Variants in STPG2 observed in about 807,000 individuals in gnomAD.
The protein encoded by STPG2 is sperm-tail PG-rich repeat-containing protein 2.
STPG2 carries 56 observed loss-of-function variants against 54.2 expected under a neutral mutation model. That is an observed-to-expected ratio of 1.03 (90% CI 0.83 to 1.29). The LOEUF (loss-of-function observed/expected upper bound fraction) is 1.29. Ranked by LOEUF, STPG2 falls within the 50% of genes most tolerant of loss-of-function variation. The pLI is 0.00. For missense variants in STPG2, 596 were observed against 544.9 expected (o/e 1.09, Z -0.93); for synonymous variants, 200 against 181.8 (o/e 1.10, Z -0.81).
At chr4:97,838,568 T>A (rs1728702141) in intron 9 of STPG2, among the ~76,000 whole-genome samples, 1 of 151,404 alleles carries the variant, frequency 6.6e-6, no homozygotes, top group Admixed American at 6.6e-5. Flanking sequence ...TAGGAATCTA[T>A]TTAGAGACTT....
chr4:98,072,613 T>C (rs28512286), intron 5 of STPG2, among the ~76,000 whole-genome samples: 40,778 of 132,658 alleles, frequency 0.31, 5,980 homozygotes, highest in Middle Eastern at 0.38. Flanking sequence ...TAAAATAAAA[T>C]AAAACAAAAC....
intron 5 of STPG2, among the ~76,000 whole-genome samples, chr4:98,058,136 C>A (rs888167575): frequency 6.6e-6 from 1 of 152,154 alleles, no homozygotes; most frequent in Non-Finnish European, 1.5e-5. Context: ...CAGTGACACT[C>A]TGAAGTAACC....
At chr4:98,044,035 G>A (rs1737042929) in intron 5 of STPG2, among the ~76,000 whole-genome samples, 2 of 151,922 alleles carry the variant, frequency 1.3e-5, no homozygotes, top group Admixed American at 1.3e-4. Flanking sequence ...TTGGTTTTCT[G>A]TTCCTGCATT....
intron 8 of STPG2, among the ~76,000 whole-genome samples, chr4:97,904,914 T>A (rs926950106): frequency 1.3e-5 from 2 of 151,986 alleles, no homozygotes; most frequent in African/African-American, 4.8e-5. Context: ...AGAAAAAGAA[T>A]AAAAAGAAAC....
chr4:97,643,161 T>G (rs1043085414), intron 10 of STPG2, among the ~76,000 whole-genome samples: 9 of 151,650 alleles, frequency 5.9e-5, no homozygotes, highest in Non-Finnish European at 1.0e-4. Flanking sequence ...GAATGTAACC[T>G]CATGGAGCTT....
chr4:97,640,874 GAC>G (rs1460832972), intron 10 of STPG2, among the ~76,000 whole-genome samples: 2 of 151,416 alleles, frequency 1.3e-5, no homozygotes, highest in African/African-American at 4.8e-5. Context: ...GGAAAAAAGA[GAC>G]ACAGTCAAGA....
intron 9 of STPG2, among the ~76,000 whole-genome samples, chr4:97,812,975 C>T (rs952432931): frequency 6.6e-6 from 1 of 152,132 alleles, no homozygotes; most frequent in African/African-American, 2.4e-5. Context: ...ATACCAGTTG[C>T]TGAAGTCAAA....
chr4:98,052,154 T>G (rs1737345353), intron 5 of STPG2, among the ~76,000 whole-genome samples: 2 of 151,716 alleles, frequency 1.3e-5, no homozygotes, highest in African/African-American at 4.8e-5. Flanking sequence ...CAAAAATTTC[T>G]CAAGTGGGGA....
chr4:97,442,970 G>C (rs558401031), intron 4 of STPG2, among the ~76,000 whole-genome samples: 9 of 152,190 alleles, frequency 5.9e-5, no homozygotes, highest in Non-Finnish European at 1.2e-4. Context: ...TAAATTGAGA[G>C]TTGAAAGGAA....
At chr4:97,543,572 A>G (rs1731768700) in intron 4 of STPG2, among the ~76,000 whole-genome samples, 1 of 152,122 alleles carries the variant, frequency 6.6e-6, no homozygotes, top group Non-Finnish European at 1.5e-5. Flanking sequence ...TTTGCCAGAT[A>G]TTTGGATATT....
At chr4:97,945,392 A>G (rs966184353) in intron 7 of STPG2, among the ~76,000 whole-genome samples, 2 of 152,088 alleles carry the variant, frequency 1.3e-5, no homozygotes, top group Non-Finnish European at 2.9e-5. Flanking sequence ...ATATTATGTT[A>G]TTCTTTTTTA....
chr4:97,897,321 G>C (rs1240448044), intron 8 of STPG2, among the ~76,000 whole-genome samples: 1 of 152,026 alleles, frequency 6.6e-6, no homozygotes, highest in Non-Finnish European at 1.5e-5. Context: ...GGACATTTAG[G>C]ATGATTCCAT....
chr4:97,903,893 G>A lies in STPG2; in HGVS notation c.1044+40004C>T, dbSNP rs1425372113. ...ACCCGAATACTGCGCTTTTCCAACG[G>A]GCTTAAAAAATGGCGCACCACGAGA... On this transcript the variant is annotated intron_variant, in intron 8 of 10. Coordinates refer to ENST00000295268, the MANE Select transcript of STPG2 (RefSeq NM_174952.3). Among the ~76,000 whole-genome samples, 8 of 152,164 alleles carry A rather than the reference G, an allele frequency of 5.3e-5. No individual in the cohort carries two copies. In the East Asian group the frequency reaches 1.5e-3, roughly 29 times the overall value.
At chr4:97,765,387 GT>G (rs1205393783) in intron 9 of STPG2, among the ~76,000 whole-genome samples, 1 of 152,074 alleles carries the variant, frequency 6.6e-6, no homozygotes, top group Non-Finnish European at 1.5e-5. Context: ...GCTTGTAGAT[GT>G]CTTAACTTGA....
chr4:97,699,840 G>C (rs1723706978), intron 10 of STPG2, among the ~76,000 whole-genome samples: 1 of 152,188 alleles, frequency 6.6e-6, no homozygotes, highest in Non-Finnish European at 1.5e-5. Context: ...GGCATCAGTG[G>C]AGACCATGGG....
intron 7 of STPG2, among the ~76,000 whole-genome samples, chr4:97,944,795 T>C (rs915329693): frequency 1.3e-5 from 2 of 152,136 alleles, no homozygotes; most frequent in Admixed American, 6.6e-5. Flanking sequence ...AAAACATCCA[T>C]TACCCACCTA....
chr4:97,489,772 A>G lies in STPG2; in HGVS notation c.462+222927T>C, dbSNP rs1203511543. 4 of 151,606 alleles carry G rather than the reference A, an allele frequency of 2.6e-5. No individual in the cohort carries two copies. The Admixed American group carries it at 2.6e-4, about 10-fold the overall frequency. The allele number at this position is 151,606 out of a possible 1,614,324, so 9.4% of individuals were successfully genotyped here. ...GAAATAATTCTCTTATTTCCTTCAA[A>G]GGTCTCCTTCTGAAGAGGGTGAAGA... On this transcript the variant is annotated intron_variant, in intron 4 of 4. Transcript: ENST00000522676.
chr4:98,116,638 A>G (rs1280011921), intron 3 of STPG2, among the ~76,000 whole-genome samples: 1 of 151,918 alleles, frequency 6.6e-6, no homozygotes. Flanking sequence ...AATATTTAAG[A>G]TACTTAAATA....
At chr4:97,506,455 A>G (rs573256002) in intron 4 of STPG2, among the ~76,000 whole-genome samples, 41 of 152,014 alleles carry the variant, frequency 2.7e-4, no homozygotes, top group Non-Finnish European at 4.3e-4. Context: ...ACAAATAAAA[A>G]CTGAAAAAAT....
Sources: gnomAD v4.1 joint callset for allele counts (sites outside exome capture counted in the v4.1 genomes callset) on GRCh38, gnomAD v4.1.1 for gene constraint, MANE v1.5 for transcripts, NCBI Gene and HGNC (gene_info 2026-07-23, HGNC 2026-07-21) for gene names.